The following CNTN4 variants were observed in gnomAD, a reference collection of about 807,000 sequenced individuals.
CNTN4 encodes the protein contactin 4, also known as contactin-4.
Under a neutral mutation model 122.5 loss-of-function variants are expected in CNTN4, and 77 were observed. The observed-to-expected ratio is 0.63, with a 90% confidence interval of 0.52 to 0.76. The LOEUF (loss-of-function observed/expected upper bound fraction) is 0.76. CNTN4 is among the 30% of genes least tolerant of loss of function. The probability of loss-of-function intolerance (pLI) is 0.00; values close to 1 mark genes in which losing one functional copy is unlikely to be tolerated. For missense variants in CNTN4, 1,256 were observed against 1,259.1 expected, an observed-to-expected ratio of 1.00 and a Z score of 0.04; for synonymous variants, 512 against 447.0, an observed-to-expected ratio of 1.15 and a Z score of -1.83.
At chr3:2,315,865 T>C (rs2043080903) in intron 2 of CNTN4, among the ~76,000 whole-genome samples, 1 of 152,122 alleles carries the variant, frequency 6.6e-6, no homozygotes, top group Non-Finnish European at 1.5e-5. Context: ...ACATGTTTAA[T>C]ATATTTATAA....
chr3:2,344,997 C>T (rs1278007086), intron 3 of CNTN4, among the ~76,000 whole-genome samples: 1 of 152,160 alleles, frequency 6.6e-6, no homozygotes, highest in African/African-American at 2.4e-5. Context: ...AAATAGTTGA[C>T]AGAGAAACAT....
At chr3:2,751,177 G>A (rs552326828) in intron 6 of CNTN4, among the ~76,000 whole-genome samples, 116 of 152,018 alleles carry the variant, frequency 7.6e-4, no homozygotes, top group Non-Finnish European at 1.3e-3. Flanking sequence ...GCATGGTGGC[G>A]GGCACCTGTA....
chr3:2,879,990 G>A (rs551203458), intron 8 of CNTN4, among the ~76,000 whole-genome samples: 135 of 152,324 alleles, frequency 8.9e-4, no homozygotes, highest in African/African-American at 3.0e-3. Flanking sequence ...CAGGCAGTAA[G>A]TAGGTAAAGG....
chr3:2,379,048 C>G (rs2045924032), intron 3 of CNTN4, among the ~76,000 whole-genome samples: 1 of 152,310 alleles, frequency 6.6e-6, no homozygotes, highest in East Asian at 1.9e-4. Context: ...ATGCTCGTGT[C>G]TCTTGTATTG....
chr3:2,996,712 A>G (rs890592825), intron 14 of CNTN4, among the ~76,000 whole-genome samples: 3 of 152,172 alleles, frequency 2.0e-5, no homozygotes, highest in African/African-American at 7.2e-5. Flanking sequence ...TATTGAAGCT[A>G]TCCATCTGGC....
At chr3:2,625,523 A>G (rs2082150315) in intron 4 of CNTN4, among the ~76,000 whole-genome samples, 1 of 152,132 alleles carries the variant, frequency 6.6e-6, no homozygotes, top group African/African-American at 2.4e-5. Flanking sequence ...ATTTGTGTTT[A>G]TTATTCCACT....
At chr3:2,224,575 G>A (rs1037951300) in intron 2 of CNTN4, among the ~76,000 whole-genome samples, 1 of 152,138 alleles carries the variant, frequency 6.6e-6, no homozygotes, top group Non-Finnish European at 1.5e-5. Context: ...CTTAGATTCT[G>A]AGTCCTGTGA....
chr3:2,298,418 T>C (rs1465343963), intron 2 of CNTN4, among the ~76,000 whole-genome samples: 1 of 152,164 alleles, frequency 6.6e-6, no homozygotes, highest in African/African-American at 2.4e-5. Context: ...AATTATCTAA[T>C]TAAACCTTGA....
intron 3 of CNTN4, among the ~76,000 whole-genome samples, chr3:2,553,759 A>C (rs2078609347): frequency 6.6e-6 from 1 of 152,196 alleles, no homozygotes; most frequent in Admixed American, 6.6e-5. Flanking sequence ...ATTTCTGCTG[A>C]TATATCATGA....
At position 2,510,375 on chromosome 3, in the gene CNTN4, G is replaced by GT. The variant is rs5846187; in HGVS notation, c.-88-61032dup. Among the ~76,000 whole-genome samples the GT allele has an allele frequency of 4.6e-3, 613 of 133,970 alleles. 5 individuals are homozygous for GT. The highest frequency in any genetic ancestry group is 5.9e-3 in the South Asian group (25 of 4,244). 87.9% of individuals were successfully genotyped at this position (133,970 alleles called of 152,430 possible). A position where few individuals can be genotyped will look rare whatever the true frequency, so the allele number is the denominator to read the frequency against. On this transcript the variant is annotated intron_variant, in intron 3 of 24. Transcript: ENST00000418658. ...TAGATCACCTGTTTGTTTGTTTGGG[G>GT]TTTTTTTTTGTTGTTTATTTGTTTG...
At position 2,746,200 on chromosome 3, in the gene CNTN4, A is replaced by T. The variant is rs1282678782; in HGVS notation, c.358+503A>T. The stretch of plus-strand genomic sequence containing the variant: ...GAAATACTTTAACGATAAAGGTGAG[A>T]GTTGGAAAAAAACTCAGTAGTCAAT... On this transcript the variant is annotated intron_variant, in intron 6 of 24. Transcript: ENST00000418658. Among the ~76,000 whole-genome samples, 4 of 151,988 alleles carry T rather than the reference A, an allele frequency of 2.6e-5. No individual in the cohort carries two copies. The East Asian group carries it at 7.7e-4, about 29-fold the overall frequency.
chr3:2,435,480 C>T (rs1221334756), intron 3 of CNTN4, among the ~76,000 whole-genome samples: 1 of 151,968 alleles, frequency 6.6e-6, no homozygotes, highest in African/African-American at 2.4e-5. Context: ...CAACTTTTTC[C>T]AAATATTTTT....
At chr3:2,927,944 C>T (rs933257305) in intron 13 of CNTN4, among the ~76,000 whole-genome samples, 1 of 152,170 alleles carries the variant, frequency 6.6e-6, no homozygotes, top group African/African-American at 2.4e-5. Flanking sequence ...CTCGTTCCCA[C>T]CTCACTCAGA....
At chr3:2,249,444 A>T (rs2040290379) in intron 2 of CNTN4, among the ~76,000 whole-genome samples, 1 of 151,924 alleles carries the variant, frequency 6.6e-6, no homozygotes, top group Non-Finnish European at 1.5e-5. Flanking sequence ...CTTTTTTTCC[A>T]GGACAGTTAG....
At chr3:2,473,341 C>A (rs1281120995) in intron 3 of CNTN4, among the ~76,000 whole-genome samples, 1 of 152,018 alleles carries the variant, frequency 6.6e-6, no homozygotes, top group Non-Finnish European at 1.5e-5. Flanking sequence ...TCCACCTGGA[C>A]TCTACCTCAC....
intron 13 of CNTN4, among the ~76,000 whole-genome samples, chr3:2,982,552 T>C (rs781682991): frequency 1.3e-5 from 2 of 152,196 alleles, no homozygotes; most frequent in South Asian, 2.1e-4. Flanking sequence ...TTTCTCTATA[T>C]GGTAGGCAAA....
chr3:2,687,545 C>T (rs187774399), intron 4 of CNTN4, among the ~76,000 whole-genome samples: 20 of 152,240 alleles, frequency 1.3e-4, no homozygotes, highest in African/African-American at 4.8e-4. Flanking sequence ...CGCCTGTAGT[C>T]CCAGCTACTT....
chr3:2,752,418 T>G (rs1340734198), intron 6 of CNTN4, among the ~76,000 whole-genome samples: 1 of 152,226 alleles, frequency 6.6e-6, no homozygotes, highest in Non-Finnish European at 1.5e-5. Flanking sequence ...CAGGCTGCAG[T>G]GCAGTGGCAC....
At chr3:2,873,415 C>G (rs945479146) in intron 8 of CNTN4, among the ~76,000 whole-genome samples, 1 of 152,206 alleles carries the variant, frequency 6.6e-6, no homozygotes, top group Non-Finnish European at 1.5e-5. Flanking sequence ...TTCAGTCTTT[C>G]AGGCCACAGT....
Sources: allele counts gnomAD v4.1 joint callset (sites outside exome capture counted in the v4.1 genomes callset), GRCh38; gene constraint gnomAD v4.1.1; transcripts MANE v1.5; gene names NCBI Gene and HGNC (gene_info 2026-07-23, HGNC 2026-07-21).